PLEKHA5: variants seen among roughly 807,000 people sequenced by gnomAD.
PLEKHA5 encodes pleckstrin homology domain containing A5, also known as pleckstrin homology domain-containing family A member 5.
Under a neutral mutation model 181.9 loss-of-function variants are expected in PLEKHA5, and 55 were observed. That is an observed-to-expected ratio of 0.30 (90% CI 0.24 to 0.38). The LOEUF (loss-of-function observed/expected upper bound fraction) is 0.38, where lower values mean the gene tolerates loss of function less well. Ranked by LOEUF, PLEKHA5 falls within the 10% of genes least tolerant of loss-of-function variation. The pLI, the probability that PLEKHA5 is intolerant of heterozygous loss-of-function variation, is 1.00. For missense variants in PLEKHA5, 1,432 were observed against 1,549.5 expected, an observed-to-expected ratio of 0.92 and a Z score of 1.27; for synonymous variants, 535 against 529.4, an observed-to-expected ratio of 1.01 and a Z score of -0.15.
chr12:19,346,529 G>A (rs912505456), intron 23 of PLEKHA5, among the ~76,000 whole-genome samples: 4 of 151,768 alleles, frequency 2.6e-5, no homozygotes, highest in African/African-American at 7.3e-5. Context: ...CCAGCTACTC[G>A]GGAGGCTGAG....
chr12:19,258,657 C>T (rs1317859616), intron 6 of PLEKHA5, among the ~76,000 whole-genome samples: 1 of 151,266 alleles, frequency 6.6e-6, no homozygotes, highest in Admixed American at 6.6e-5. Flanking sequence ...CTCTGCCTCC[C>T]GGGCTCAAGC....
intron 3 of PLEKHA5, among the ~76,000 whole-genome samples, 170 bp downstream of exon 3, chr12:19,132,620 C>G (rs545529317): frequency 1.6e-4 from 24 of 152,110 alleles, no homozygotes; most frequent in African/African-American, 5.8e-4. Context: ...AAGAAAATGG[C>G]ACTCTTACTT....
chr12:19,180,110 A>G (rs1393898162), intron 3 of PLEKHA5, among the ~76,000 whole-genome samples: 1 of 152,224 alleles, frequency 6.6e-6, no homozygotes, highest in African/African-American at 2.4e-5. Flanking sequence ...CCTTGTATCA[A>G]GGTGCAGTAT....
At chr12:19,158,991 A>T (rs2042379900) in intron 3 of PLEKHA5, among the ~76,000 whole-genome samples, 1 of 152,206 alleles carries the variant, frequency 6.6e-6, no homozygotes, top group African/African-American at 2.4e-5. Context: ...AATTCAACTG[A>T]TGTTATGCAA....
intron 12 of PLEKHA5, among the ~76,000 whole-genome samples, chr12:19,285,568 A>G (rs1331859074): frequency 4.6e-5 from 7 of 152,192 alleles, no homozygotes; most frequent in Non-Finnish European, 8.8e-5. Flanking sequence ...ATAATAAGGC[A>G]TTATTCATTG....
At chr12:19,361,263 T>A (rs757543695) in intron 28 of PLEKHA5, among the ~76,000 whole-genome samples, 4 of 152,124 alleles carry the variant, frequency 2.6e-5, no homozygotes, top group Admixed American at 6.6e-5. Flanking sequence ...GCTCACTGCA[T>A]GCTCCACCTG....
intron 20 of PLEKHA5, among the ~76,000 whole-genome samples, chr12:19,332,784 C>T (rs781458971): frequency 6.6e-5 from 10 of 152,286 alleles, no homozygotes; most frequent in South Asian, 2.1e-4. Context: ...CTCAGCCTCC[C>T]AAGTAGCTGG....
chr12:19,219,488 G>T (rs2058585274), intron 3 of PLEKHA5, among the ~76,000 whole-genome samples: 1 of 144,926 alleles, frequency 6.9e-6, no homozygotes, highest in Admixed American at 7.1e-5. Context: ...TTGGATGTAT[G>T]CTATTCCAAA....
intron 3 of PLEKHA5, among the ~76,000 whole-genome samples, chr12:19,191,032 A>AT (rs1014433014): frequency 4.0e-5 from 6 of 151,898 alleles, no homozygotes; most frequent in Non-Finnish European, 8.8e-5. Flanking sequence ...ATTTATTTTA[A>AT]TTTTTTTTGA....
intron 3 of PLEKHA5, among the ~76,000 whole-genome samples, chr12:19,219,106 G>A (rs905266964): frequency 1.8e-4 from 27 of 151,980 alleles, no homozygotes; most frequent in African/African-American, 2.4e-5. Context: ...CTAACCAAAA[G>A]AGGATTGAAA....
At chr12:19,323,654 CA>C (rs2091440308) in intron 20 of PLEKHA5, among the ~76,000 whole-genome samples, 2 of 150,988 alleles carry the variant, frequency 1.3e-5, no homozygotes, top group African/African-American at 4.9e-5. Context: ...TCGTCTCTAC[CA>C]AAATACAAAA....
At chr12:19,277,631 A>G (rs1301543145) in intron 11 of PLEKHA5, among the ~76,000 whole-genome samples, 1 of 152,202 alleles carries the variant, frequency 6.6e-6, no homozygotes, top group Non-Finnish European at 1.5e-5. Flanking sequence ...TATCATCTAC[A>G]TTATGATATA....
chr12:19,202,362 G>C (rs937342147), intron 3 of PLEKHA5, among the ~76,000 whole-genome samples: 1 of 152,062 alleles, frequency 6.6e-6, no homozygotes, highest in East Asian at 1.9e-4. Flanking sequence ...GTAAGTGCTA[G>C]CTGTCATTCA....
chr12:19,306,635 G>C (rs911716641), intron 15 of PLEKHA5: 5 of 1,149,378 alleles, frequency 4.4e-6, no homozygotes, highest in South Asian at 3.7e-5. Flanking sequence ...TGGAGGCGGC[G>C]GCATCGAGGT....
chr12:19,267,514 A>T (rs2070884717), intron 8 of PLEKHA5, among the ~76,000 whole-genome samples: 1 of 151,928 alleles, frequency 6.6e-6, no homozygotes, highest in Non-Finnish European at 1.5e-5. Context: ...ACAAAAATTA[A>T]CCAGACATTG....
At chr12:19,334,829 A>AAAAAAAAAAAAAAAATATAT in intron 20 of PLEKHA5, among the ~76,000 whole-genome samples, 2 of 18,608 alleles carry the variant, frequency 1.1e-4, no homozygotes, top group African/African-American at 2.4e-4. Context: ...AAAAAAAAAA[A>AAAAAAAAAAAAAAAATATAT]ATATATATAT....
chr12:19,351,448 TGAG>T (rs1332066813), intron 25 of PLEKHA5, among the ~76,000 whole-genome samples: 1 of 152,122 alleles, frequency 6.6e-6, no homozygotes, highest in Non-Finnish European at 1.5e-5. Flanking sequence ...AGCATATAAA[TGAG>T]GAGGAAGTTT....
chr12:19,256,958 T>A (rs1209965384), intron 5 of PLEKHA5, among the ~76,000 whole-genome samples: 1 of 152,194 alleles, frequency 6.6e-6, no homozygotes, highest in Non-Finnish European at 1.5e-5. Flanking sequence ...TTTGACTTGA[T>A]GTGATATATT....
intron 15 of PLEKHA5, among the ~76,000 whole-genome samples, chr12:19,297,606 G>A (rs2080211113): frequency 2.1e-5 from 3 of 145,280 alleles, no homozygotes; most frequent in Non-Finnish European, 1.5e-5. Context: ...TCCGGCCTGG[G>A]CGACAGAGCG....
Sources: allele counts gnomAD v4.1 joint callset (sites outside exome capture counted in the v4.1 genomes callset), GRCh38; gene constraint gnomAD v4.1.1; transcripts MANE v1.5; gene names NCBI Gene and HGNC (gene_info 2026-07-23, HGNC 2026-07-21).